Variants in KLHL2 observed in about 807,000 individuals in gnomAD.
KLHL2 encodes kelch-like protein 2.
A neutral mutation model predicts 75.8 loss-of-function variants in KLHL2; 15 were observed. That is an observed-to-expected ratio of 0.20 (90% CI 0.13 to 0.30). KLHL2 has a LOEUF of 0.30. Among genes scored for constraint, KLHL2 ranks in the 10% least tolerant of loss-of-function variants. The pLI is 1.00. For synonymous variants in KLHL2, 214 were observed against 251.9 expected, an observed-to-expected ratio of 0.85 and a Z score of 1.42; for missense variants, 381 against 741.0, an observed-to-expected ratio of 0.51 and a Z score of 5.64.
intron 5 of KLHL2, among the ~76,000 whole-genome samples, chr4:165,286,544 A>G (rs943895406): frequency 6.6e-6 from 1 of 152,166 alleles, no homozygotes; most frequent in African/African-American, 2.4e-5. Context: ...AGGTAGAAAC[A>G]TATATAGAAT....
At chr4:165,303,069 G>T (rs1380797587) in intron 8 of KLHL2, among the ~76,000 whole-genome samples, 1 of 152,036 alleles carries the variant, frequency 6.6e-6, no homozygotes, top group Non-Finnish European at 1.5e-5. Context: ...AAATATTCCT[G>T]CCTTCCTGTC....
At position 165,314,090 on chromosome 4, in the gene KLHL2, A is replaced by G. The variant is rs772273040; in HGVS notation, c.1533A>G (p.Lys511=). The change falls in exon 13 of 15, where the codon AAA becomes AAG. Residue 511 remains lysine (K), a synonymous_variant. Transcript: ENST00000226725. ...GTCATGATGGCCCTTTAGTACGAAA[A>G]AGTGTTGAAGTATATGATCCCACCA... ...VGGHDGPLVR[K]SVEVYDPTTN... is the part of the protein sequence containing the mutation. 50 of 1,613,656 alleles carry G rather than the reference A, an allele frequency of 3.1e-5. No homozygotes were observed. Among genetic ancestry groups the G allele is most frequent in the Non-Finnish European group, 4.2e-5 (50 of 1,179,758 alleles).
At chr4:165,316,057 A>AG (rs990102621) in intron 13 of KLHL2, among the ~76,000 whole-genome samples, 6 of 152,332 alleles carry the variant, frequency 3.9e-5, no homozygotes, top group African/African-American at 1.4e-4. Flanking sequence ...CAAACACTGC[A>AG]GGAAGGTGCA....
At chr4:165,245,062 G>A (rs1272865363) in intron 4 of KLHL2, among the ~76,000 whole-genome samples, 1 of 152,146 alleles carries the variant, frequency 6.6e-6, no homozygotes, top group Admixed American at 6.6e-5. Flanking sequence ...ACAAAAGTTA[G>A]CCAGGCGTGG....
Position 165,310,544 on chromosome 4 carries a change from C to CT in KLHL2, c.1040-5dup. On this transcript the variant is annotated splice_polypyrimidine_tract_variant and intron_variant, in intron 9 of 14. Coordinates refer to ENST00000226725, the MANE Select transcript of KLHL2 (RefSeq NM_007246.4). ...ATGTTGATCATTAAATGCTGTACTCCTTTTGCAGGCATGGTCTACATGGCT... is the reference window on the plus strand; with the variant it reads ...ATGTTGATCATTAAATGCTGTACTCCTTTTTGCAGGCATGGTCTACATGGCT... 1 of 1,613,108 alleles carries CT rather than the reference C, an allele frequency of 6.2e-7. No homozygotes were observed. Among genetic ancestry groups the CT allele is most frequent in the Non-Finnish European group, 8.5e-7 (1 of 1,179,162 alleles).
At chr4:165,296,658 A>G (rs572813821) in intron 6 of KLHL2, among the ~76,000 whole-genome samples, 38 of 152,292 alleles carry the variant, frequency 2.5e-4, no homozygotes, top group African/African-American at 9.1e-4. Context: ...AAGTCATACC[A>G]GTGAGCAGCA....
intron 3 of KLHL2, among the ~76,000 whole-genome samples, chr4:165,234,847 T>A (rs990422755): frequency 9.9e-5 from 15 of 152,134 alleles, no homozygotes; most frequent in Admixed American, 6.5e-4. Context: ...TAAAAGTAGA[T>A]AGGAGACTGG....
intron 1 of KLHL2, among the ~76,000 whole-genome samples, chr4:165,218,510 A>G (rs1186370870): frequency 6.6e-6 from 1 of 151,700 alleles, no homozygotes; most frequent in Non-Finnish European, 1.5e-5. Flanking sequence ...ACACCCCTCC[A>G]CCGTCCCCAC....
Position 165,313,312 on chromosome 4 carries a change from A to G in KLHL2, c.1414A>G (p.Thr472Ala), listed in dbSNP as rs1746348336. 6.3e-7 allele frequency: 1 copy of G among 1,590,708 alleles called. No homozygotes were observed. Among genetic ancestry groups the G allele is most frequent in the Non-Finnish European group, 8.5e-7 (1 of 1,171,080 alleles). The stretch of plus-strand genomic sequence containing the variant: ...TAGCACAGTAGAATGCTATAATGCT[A>G]CAACAAATGAGTGGACCTATATAGC... Reference protein sequence around the residue: ...CLSTVECYNATTNEWTYIAEM... With the variant: ...CLSTVECYNAATNEWTYIAEM... Residue 472 changes from threonine (T) to alanine (A), a missense_variant, in exon 12 of 15, where the codon ACA becomes GCA. Coordinates refer to ENST00000226725, the MANE Select transcript of KLHL2 (RefSeq NM_007246.4).
intron 1 of KLHL2, among the ~76,000 whole-genome samples, chr4:165,218,933 G>T (rs1301647408): frequency 1.3e-5 from 2 of 152,010 alleles, no homozygotes; most frequent in Admixed American, 1.3e-4. Flanking sequence ...CTTTATTGAG[G>T]TATAATTTAC....
At chr4:165,252,434 A>G (rs1740812087) in intron 4 of KLHL2, 1 of 152,068 alleles carries the variant, frequency 6.6e-6, no homozygotes, top group African/African-American at 2.4e-5. Flanking sequence ...CATTATTGAC[A>G]TATAGTCTTA....
chr4:165,277,927 G>A (rs1335579046), intron 5 of KLHL2: 2 of 912,034 alleles, frequency 2.2e-6, no homozygotes, highest in Non-Finnish European at 3.7e-6. Context: ...CAATTGCTGG[G>A]TTGTTCTTTC....
At chr4:165,213,068 G>C (rs1168358817) in intron 1 of KLHL2, among the ~76,000 whole-genome samples, 1 of 152,162 alleles carries the variant, frequency 6.6e-6, no homozygotes, top group Non-Finnish European at 1.5e-5. Flanking sequence ...CCATTCTTCT[G>C]GTCCCTGATA....
chr4:165,306,336 C>T (rs1745727355), intron 9 of KLHL2, among the ~76,000 whole-genome samples: 1 of 152,192 alleles, frequency 6.6e-6, no homozygotes, highest in Admixed American at 6.5e-5. Context: ...TCTGGAGTTA[C>T]CTCATTCAAT....
chr4:165,292,713 C>G (rs1253073842), intron 5 of KLHL2, among the ~76,000 whole-genome samples: 1 of 151,974 alleles, frequency 6.6e-6, no homozygotes, highest in African/African-American at 2.4e-5. Flanking sequence ...GAAGGGGAAG[C>G]CAACTGTTCC....
intron 7 of KLHL2, 51 bp downstream of exon 7, chr4:165,297,776 C>G (rs1414852921): frequency 4.7e-6 from 5 of 1,060,860 alleles, no homozygotes; most frequent in Non-Finnish European, 5.9e-6. Flanking sequence ...TGTCACTGGC[C>G]TGACAGCATG....
intron 4 of KLHL2, among the ~76,000 whole-genome samples, chr4:165,254,709 A>G (rs1468836068): frequency 3.9e-5 from 6 of 152,308 alleles, no homozygotes; most frequent in African/African-American, 1.2e-4. Context: ...TATAAAATGC[A>G]CTCTCATGGT....
At chr4:165,250,118 C>T (rs909600977) in intron 4 of KLHL2, among the ~76,000 whole-genome samples, 3 of 139,886 alleles carry the variant, frequency 2.1e-5, no homozygotes, top group Non-Finnish European at 4.7e-5. Context: ...AGTGAGACTC[C>T]GTCTCAAAAA....
chr4:165,287,348 T>G (rs1744168182), intron 5 of KLHL2, among the ~76,000 whole-genome samples: 1 of 152,196 alleles, frequency 6.6e-6, no homozygotes, highest in Non-Finnish European at 1.5e-5. Flanking sequence ...TTTTAAGGAA[T>G]TGTATGTATA....
Sources: allele counts gnomAD v4.1 joint callset (sites outside exome capture counted in the v4.1 genomes callset), GRCh38; gene constraint gnomAD v4.1.1; transcripts MANE v1.5; gene names NCBI Gene and HGNC (gene_info 2026-07-23, HGNC 2026-07-21).